Variants in TNRC18 observed in about 807,000 individuals in gnomAD.
TNRC18 encodes the protein trinucleotide repeat containing 18.
A neutral mutation model predicts 226.7 loss-of-function variants in TNRC18; 69 were observed. The observed-to-expected ratio is 0.30, with a 90% CI of 0.25 to 0.37. The LOEUF (loss-of-function observed/expected upper bound fraction) is 0.37, where lower values mean the gene tolerates loss of function less well. Among genes scored for constraint, TNRC18 ranks in the 10% least tolerant of loss-of-function variants. TNRC18 has a pLI of 1.00. For missense variants in TNRC18, 4,754 were observed against 4,256.6 expected (o/e 1.12, Z -3.25); for synonymous variants, 2,449 against 1,927.6 (o/e 1.27, Z -7.09).
rs773687967 is a variant in TNRC18, at chr7:5,316,002, G to T, written c.6816C>A (p.Ile2272=). 18 of 1,603,760 alleles carry T rather than the reference G, an allele frequency of 1.1e-5. No individual in the cohort carries two copies. The South Asian group carries it at 1.9e-4, about 17-fold the overall frequency. Residue 2272 remains isoleucine, a synonymous_variant, in exon 25 of 30, where the codon ATC becomes ATA. Transcript: ENST00000430969. ...GCAGGAGGCGGATATGTGAGAGGGGGATCCTGCCCGTGTCTCCGTCGTCAA... is the reference window on the plus strand; with the variant it reads ...GCAGGAGGCGGATATGTGAGAGGGGTATCCTGCCCGTGTCTCCGTCGTCAA... ...VEFDDGDTGR[I]PLSHIRLLPP...
At chr7:5,399,430 C>T (rs1780927583) in intron 2 of TNRC18, among the ~76,000 whole-genome samples, 2 of 152,324 alleles carry the variant, frequency 1.3e-5, no homozygotes, top group South Asian at 2.1e-4. Flanking sequence ...CTAAAACACA[C>T]ACCTGGGCAC....
At chr7:5,422,121 CTG>C (rs1034185116) in intron 1 of TNRC18, among the ~76,000 whole-genome samples, 3 of 151,978 alleles carry the variant, frequency 2.0e-5, no homozygotes, top group Non-Finnish European at 2.9e-5. Context: ...CCGGGGGGCA[CTG>C]TGAGTCCCAG....
Position 5,361,576 on chromosome 7 carries a change from C to A in TNRC18, c.4661+18G>T. 6.7e-7 allele frequency: 1 copy of A among 1,495,156 alleles called. No individual in the cohort carries two copies. Among genetic ancestry groups the A allele is most frequent in the South Asian group, 1.3e-5 (1 of 76,022 alleles). 92.6% of individuals were successfully genotyped at this position (1,495,156 alleles called of 1,614,324 possible). On this transcript the variant is annotated intron_variant, in intron 14 of 29. Transcript: ENST00000430969. ...AAGCTGTGTGCCAGTCCCCGACCCA[C>A]CGAGGGGCCAGCCTTACTTTCCGCT... is the stretch of plus-strand genomic sequence containing the variant.
intron 5 of TNRC18, among the ~76,000 whole-genome samples, chr7:5,383,398 G>C (rs903875697): frequency 6.6e-6 from 1 of 152,208 alleles, no homozygotes; most frequent in Non-Finnish European, 1.5e-5. Flanking sequence ...CCTAATGCCT[G>C]AATATGAGCA....
At chr7:5,362,082 A>G (rs1245208080) in intron 12 of TNRC18, 49 bp from the exon 13 acceptor site, 3 of 1,592,986 alleles carry the variant, frequency 1.9e-6, no homozygotes, top group African/African-American at 2.7e-5. Context: ...GCCACTGCCT[A>G]ACGACGCCCA....
At chr7:5,396,408 T>C (rs1301007644) in intron 2 of TNRC18, among the ~76,000 whole-genome samples, 2 of 151,786 alleles carry the variant, frequency 1.3e-5, no homozygotes, top group Admixed American at 6.6e-5. Flanking sequence ...CTCTCGCCTA[T>C]AGTCTCTGGA....
Position 5,309,397 on chromosome 7 carries a change from G to A in TNRC18, c.8389-29C>T. The A allele has an allele frequency of 1.9e-6, 3 of 1,573,482 alleles. No homozygotes were observed. The highest frequency in any genetic ancestry group is 2.6e-6 in the Non-Finnish European group (3 of 1,158,430). On this transcript the variant is annotated intron_variant, in intron 27 of 29. Transcript: ENST00000430969. This position sits in a 1 kb window ranked among gnomAD's most constrained non-coding sequence, Gnocchi z 5.7. ...CAAGGACACGTGTGTCACGGCACAG[G>A]CCCTGGCCCAGCCCCAAGGAGCCCG...
chr7:5,396,847 C>G (rs1290214926), intron 2 of TNRC18, among the ~76,000 whole-genome samples: 1 of 152,216 alleles, frequency 6.6e-6, no homozygotes, highest in Non-Finnish European at 1.5e-5. Flanking sequence ...CCAGTCCAGC[C>G]TCTGAGTCCC....
Position 5,361,617 on chromosome 7 carries a change from C to T in TNRC18, c.4638G>A (p.Gly1546=). The part of the protein sequence containing the change: ...PSALSPPRKR[G]KSGHSSGKLS... ...ACTTTCCGCTACTGTGGCCGCTCTT[C>T]CCTCTCTTGCGGGGGGGCGACAGGG... is the stretch of plus-strand genomic sequence containing the variant. The change falls in exon 14 of 30, where the codon GGG becomes GGA. Residue 1546 remains glycine (G), a synonymous_variant. Coordinates refer to ENST00000430969, the MANE Select transcript of TNRC18 (RefSeq NM_001080495.3). The T allele has an allele frequency of 6.5e-7, 1 of 1,543,296 alleles. No homozygotes were observed. Among genetic ancestry groups the T allele is most frequent in the Non-Finnish European group, 8.7e-7 (1 of 1,145,534 alleles).
At chr7:5,311,192 A>ATGTGCGTG (rs55845532) in intron 27 of TNRC18, among the ~76,000 whole-genome samples, 37,102 of 151,776 alleles carry the variant, frequency 0.24, 4,679 homozygotes, top group Admixed American at 0.31. Flanking sequence ...GTGCACACAT[A>ATGTGCGTG]TGTGCGTGTG....
At chr7:5,359,597 C>T (rs1156946250) in intron 14 of TNRC18, 28 bp from the exon 15 acceptor site, 68 of 1,612,162 alleles carry the variant, frequency 4.2e-5, no homozygotes, top group Non-Finnish European at 5.6e-5. Flanking sequence ...TGCCGGTCAG[C>T]ACCCTGGCCA....
At chr7:5,366,680 C>T (rs1023353616) in intron 11 of TNRC18, among the ~76,000 whole-genome samples, 1 of 152,104 alleles carries the variant, frequency 6.6e-6, no homozygotes, top group Non-Finnish European at 1.5e-5. Flanking sequence ...CTGATCAGCT[C>T]CCAAAGGTTG....
rs763727257 is a variant in TNRC18, at chr7:5,313,715, T to C, written c.7176A>G (p.Ala2392=). The stretch of plus-strand genomic sequence containing the variant: ...GTGGTGCGGGACTGGGCTGCGGCGG[T>C]GCCGGGCGCGCCTTGGGGGCCTTGG... ...KRAKAPKARP[A]PPQPSPAPPA... is the part of the protein sequence containing the mutation. Residue 2392 remains alanine, a synonymous_variant, in exon 27 of 30, where the codon GCA becomes GCG. Coordinates refer to ENST00000430969, the MANE Select transcript of TNRC18 (RefSeq NM_001080495.3). 5.0e-6 allele frequency: 8 copies of C among 1,585,698 alleles called. No homozygotes were observed. In the Admixed American group the frequency reaches 1.4e-4, roughly 28 times the overall value.
chr7:5,328,950 T>C (rs1211428472), intron 19 of TNRC18, among the ~76,000 whole-genome samples: 1 of 152,096 alleles, frequency 6.6e-6, no homozygotes, highest in Non-Finnish European at 1.5e-5. Flanking sequence ...CAATCACCAC[T>C]GCACTCCAGA....
At chr7:5,360,377 A>C (rs543874523) in intron 14 of TNRC18, among the ~76,000 whole-genome samples, 10 of 152,006 alleles carry the variant, frequency 6.6e-5, no homozygotes, top group African/African-American at 1.7e-4. Flanking sequence ...TTACAGGCAC[A>C]CACCACCACA....
At chr7:5,396,581 G>A (rs567207747) in intron 2 of TNRC18, among the ~76,000 whole-genome samples, 1 of 152,258 alleles carries the variant, frequency 6.6e-6, no homozygotes, top group East Asian at 1.9e-4. Context: ...CTAAAAGCTG[G>A]AATGCACCAG....
intron 5 of TNRC18, among the ~76,000 whole-genome samples, chr7:5,380,818 G>A (rs1377202228): frequency 6.6e-6 from 1 of 152,164 alleles, no homozygotes; most frequent in Admixed American, 6.5e-5. Context: ...CTGAGAAATC[G>A]AGTCATGAGA....
intron 18 of TNRC18, among the ~76,000 whole-genome samples, chr7:5,344,569 G>A (rs1790982301): frequency 6.6e-6 from 1 of 152,158 alleles, no homozygotes; most frequent in South Asian, 2.1e-4. Flanking sequence ...CGAACCTGCA[G>A]AGGGCATGAA....
At chr7:5,373,978 G>T in intron 10 of TNRC18, 77 bp downstream of exon 10, 3 of 1,200,596 alleles carry the variant, frequency 2.5e-6, no homozygotes, top group Non-Finnish European at 2.2e-6. Context: ...GATCGAACGG[G>T]TCAATGAAAA....
Sources: gnomAD v4.1 joint callset for allele counts (sites outside exome capture counted in the v4.1 genomes callset) on GRCh38, gnomAD v4.1.1 for gene constraint, Gnocchi (gnomAD v3.1) non-coding constraint, MANE v1.5 for transcripts, NCBI Gene and HGNC (gene_info 2026-07-23, HGNC 2026-07-21) for gene names.